OSBPL6: variants seen among roughly 807,000 people sequenced by gnomAD.
The protein encoded by OSBPL6 is oxysterol binding protein like 6, also known as oxysterol-binding protein-related protein 6.
Under a neutral mutation model 125.8 loss-of-function variants are expected in OSBPL6, and 49 were observed. The observed-to-expected ratio is 0.39, with a 90% CI of 0.31 to 0.49. OSBPL6 has a LOEUF of 0.49. Ranked by LOEUF, OSBPL6 falls within the 20% of genes least tolerant of loss-of-function variation. The pLI is 0.88. For missense variants in OSBPL6, 986 were observed against 1,135.4 expected (o/e 0.87, Z 1.89); for synonymous variants, 394 against 391.8 (o/e 1.01, Z -0.07).
intron 2 of OSBPL6, among the ~76,000 whole-genome samples, chr2:178,294,370 CAGAA>C (rs1301418441): frequency 1.3e-5 from 2 of 151,990 alleles, no homozygotes; most frequent in African/African-American, 4.8e-5. Context: ...GTTTCAAAGG[CAGAA>C]AGAGAGTGAG....
chr2:178,312,121 A>G (rs1047064372), intron 3 of OSBPL6, among the ~76,000 whole-genome samples: 4 of 150,824 alleles, frequency 2.7e-5, no homozygotes, highest in African/African-American at 9.8e-5. Flanking sequence ...AGCTGGGACT[A>G]CAGGCGAGCA....
intron 11 of OSBPL6, chr2:178,344,397 G>C (rs751609662): frequency 6.3e-7 from 1 of 1,597,952 alleles, no homozygotes; most frequent in South Asian, 1.1e-5. Context: ...AGTTTAATAA[G>C]AATGAGAACC....
intron 1 of OSBPL6, among the ~76,000 whole-genome samples, chr2:178,197,618 C>A (rs1039734168): frequency 6.6e-6 from 1 of 152,014 alleles, no homozygotes; most frequent in Admixed American, 6.6e-5. Context: ...GATTAACAAT[C>A]ATAATAAACA....
At chr2:178,238,916 C>A (rs1025590622) in intron 1 of OSBPL6, among the ~76,000 whole-genome samples, 1 of 152,210 alleles carries the variant, frequency 6.6e-6, no homozygotes, top group Non-Finnish European at 1.5e-5. Context: ...CCCTCTCCCG[C>A]CTGTTAACAG....
In OSBPL6 at chr2:178,344,884, A is replaced by G. The variant is rs139574519; in HGVS notation, c.988-4340A>G. On this transcript the variant is annotated intron_variant, in intron 11 of 24. Transcript: ENST00000190611. ...TACCCAAGTTACACTTAGCAAGGGA[A>G]AATTGTTTTCTGAAAAGAATATTGA... Among the ~76,000 whole-genome samples, 186 of 152,290 alleles carry G rather than the reference A, an allele frequency of 1.2e-3. 1 individual carries two copies. Among genetic ancestry groups the G allele is most frequent in the African/African-American group, 3.9e-3 (164 of 41,564 alleles).
At chr2:178,344,634 G>T (rs1223556571) in intron 11 of OSBPL6, among the ~76,000 whole-genome samples, 2 of 151,530 alleles carry the variant, frequency 1.3e-5, no homozygotes, top group Non-Finnish European at 2.9e-5. Context: ...TGAGTACAGT[G>T]CCCCATGATG....
chr2:178,325,438 G>A (rs1688613756), intron 4 of OSBPL6, among the ~76,000 whole-genome samples: 1 of 152,172 alleles, frequency 6.6e-6, no homozygotes, highest in Non-Finnish European at 1.5e-5. Flanking sequence ...AGAATAGACT[G>A]CTAAACCATG....
chr2:178,203,766 G>T (rs1177854772), intron 1 of OSBPL6, among the ~76,000 whole-genome samples: 1 of 152,166 alleles, frequency 6.6e-6, no homozygotes, highest in Non-Finnish European at 1.5e-5. Flanking sequence ...TTTAAGATTT[G>T]TTTAGTGGGA....
Position 178,397,881 on chromosome 2 carries a change from G to A in OSBPL6, c.*2322G>A, listed in dbSNP as rs1695940806. On this transcript the variant is annotated 3_prime_UTR_variant, in exon 25 of 25. Transcript: ENST00000190611. ...TTGGTCAGAGGTAGCCTGACACTCT[G>A]ATGAGGACTTCAAGATGAGAATGAG... 6.6e-6 allele frequency: 1 copy of A among 152,226 alleles called. No homozygotes were observed. Among genetic ancestry groups the A allele is most frequent in the African/African-American group, 2.4e-5 (1 of 41,460 alleles). The allele number at this position is 152,226 out of a possible 1,614,324, so 9.4% of individuals were successfully genotyped here. A position where few individuals can be genotyped will look rare whatever the true frequency, so the allele number is the denominator to read the frequency against.
chr2:178,249,558 G>A (rs1017619006), intron 1 of OSBPL6, among the ~76,000 whole-genome samples: 24 of 152,112 alleles, frequency 1.6e-4, no homozygotes, highest in Non-Finnish European at 1.8e-4. Context: ...TGTTTAGAGG[G>A]AATAATAGAA....
intron 1 of OSBPL6, among the ~76,000 whole-genome samples, chr2:178,277,757 G>A (rs1378244795): frequency 6.6e-6 from 1 of 152,188 alleles, no homozygotes; most frequent in East Asian, 1.9e-4. Flanking sequence ...CCTGTCCACT[G>A]TTAGTTCTTG....
At chr2:178,225,003 TTCTCTCTC>T (rs10679680) in intron 1 of OSBPL6, among the ~76,000 whole-genome samples, 1 of 148,442 alleles carries the variant, frequency 6.7e-6, no homozygotes, top group Non-Finnish European at 1.5e-5. Context: ...CTCTCTCTCT[TTCTCTCTC>T]TCTCTCTCTC....
Position 178,382,435 on chromosome 2 carries a change from T to TCTTA in OSBPL6, c.1551_1554dup (p.Ile519LeufsTer4). 1 of 1,612,374 alleles carries TCTTA rather than the reference T, an allele frequency of 6.2e-7. No homozygotes were observed. Among genetic ancestry groups the TCTTA allele is most frequent in the Non-Finnish European group, 8.5e-7 (1 of 1,179,120 alleles). ...CCTTCCTTAGGCTTCAGATGATGAG[T>TCTTA]CTTACATCAGTGATGTGAGTGATAA... On this transcript the variant is annotated frameshift_variant, in exon 16 of 25. Transcript: ENST00000190611. LOFTEE classifies it high-confidence loss of function.
In OSBPL6 at chr2:178,392,393, T is replaced by C. The variant is rs1311671520; in HGVS notation, c.2447-19T>C. ...ATAAACCTTCTGCCTCTCACAGTGG[T>C]TCATTGGCCTCTTTCCAGGTTCCAT... On this transcript the variant is annotated intron_variant, in intron 22 of 24. Transcript: ENST00000190611. 2 of 1,613,312 alleles carry C rather than the reference T, an allele frequency of 1.2e-6. No individual in the cohort carries two copies. The highest frequency in any genetic ancestry group is 2.7e-5 in the African/African-American group (2 of 74,884).
intron 1 of OSBPL6, among the ~76,000 whole-genome samples, chr2:178,258,110 CT>C: frequency 6.7e-6 from 1 of 148,698 alleles, no homozygotes; most frequent in Middle Eastern, 3.7e-3. Context: ...GTTTTTTTTT[CT>C]TTTTTTTGAG....
chr2:178,393,587 C>T (rs1695596062), intron 23 of OSBPL6, among the ~76,000 whole-genome samples: 1 of 152,160 alleles, frequency 6.6e-6, no homozygotes, highest in African/African-American at 2.4e-5. Flanking sequence ...AACATGTTGT[C>T]TTGCTATTTG....
chr2:178,362,837 CAG>C (rs1425213514), intron 13 of OSBPL6, among the ~76,000 whole-genome samples: 1 of 152,150 alleles, frequency 6.6e-6, no homozygotes. Flanking sequence ...ATGCTGCTTC[CAG>C]TATAAAGCCA....
chr2:178,242,182 C>G (rs1250478948), intron 1 of OSBPL6, among the ~76,000 whole-genome samples: 1 of 152,144 alleles, frequency 6.6e-6, no homozygotes, highest in African/African-American at 2.4e-5. Context: ...AGTATGTACT[C>G]AGAAAAAAGA....
chr2:178,288,297 T>C (rs1272459970), intron 2 of OSBPL6, among the ~76,000 whole-genome samples: 2 of 152,060 alleles, frequency 1.3e-5, no homozygotes, highest in African/African-American at 4.8e-5. Flanking sequence ...CCACCTCCTC[T>C]CTCCAGGGAA....
Sources: gnomAD v4.1 joint callset for allele counts (sites outside exome capture counted in the v4.1 genomes callset) on GRCh38, gnomAD v4.1.1 for gene constraint, MANE v1.5 for transcripts, NCBI Gene and HGNC (gene_info 2026-07-23, HGNC 2026-07-21) for gene names.